The following MYT1L variants were observed in gnomAD, a reference collection of about 807,000 sequenced individuals.
The protein encoded by MYT1L is myelin transcription factor 1-like protein.
MYT1L carries 12 observed loss-of-function variants against 126.7 expected under a neutral mutation model. The observed-to-expected ratio is 0.09, with a 90% confidence interval of 0.06 to 0.15. The LOEUF is 0.15. Ranked by LOEUF, MYT1L falls within the 10% of genes least tolerant of loss-of-function variation. MYT1L has a pLI of 1.00. For synonymous variants in MYT1L, 541 were observed against 604.2 expected, an observed-to-expected ratio of 0.90 and a Z score of 1.53; for missense variants, 979 against 1,585.2, an observed-to-expected ratio of 0.62 and a Z score of 6.49.
intron 8 of MYT1L, among the ~76,000 whole-genome samples, chr2:1,957,688 T>C (rs1235509322): frequency 6.6e-6 from 1 of 152,192 alleles, no homozygotes; most frequent in Non-Finnish European, 1.5e-5. Context: ...ATCTATGAAT[T>C]ACAGAGGTGC....
chr2:2,102,923 TATA>T (rs978043196), intron 3 of MYT1L, among the ~76,000 whole-genome samples: 13 of 151,904 alleles, frequency 8.6e-5, no homozygotes, highest in African/African-American at 3.1e-4. Context: ...TATATTAATA[TATA>T]ATGTCATAAC....
chr2:1,903,013 G>T, intron 14 of MYT1L, 67 bp downstream of exon 14: 2 of 1,420,642 alleles, frequency 1.4e-6, no homozygotes, highest in South Asian at 1.2e-5. Flanking sequence ...GTAGGACATT[G>T]ATATACACAA....
In MYT1L at chr2:1,959,700, T is replaced by G. The variant is rs79917520; in HGVS notation, c.153-16366A>C. Among the ~76,000 whole-genome samples the G allele has an allele frequency of 7.9e-5, 12 of 152,230 alleles. No individual in the cohort carries two copies. In the East Asian group the frequency reaches 2.3e-3, roughly 30 times the overall value. On this transcript the variant is annotated intron_variant, in intron 8 of 24. Transcript: ENST00000647738. ...CCCTCTGCCCCTCACACACCTCCTT[T>G]ACAGCTCTCAGTGCACCATGACACA...
intron 8 of MYT1L, among the ~76,000 whole-genome samples, chr2:1,973,422 A>G (rs942061186): frequency 3.3e-5 from 5 of 152,204 alleles, no homozygotes; most frequent in Admixed American, 6.6e-5. Context: ...CATTCTAACC[A>G]CTAACTTGCA....
At position 1,910,809 on chromosome 2, in the gene MYT1L, T is replaced by C. The variant is rs1440889234; in HGVS notation, c.1710-462A>G. On this transcript the variant is annotated intron_variant, in intron 12 of 24. Coordinates refer to ENST00000647738, the MANE Select transcript of MYT1L (RefSeq NM_001303052.2). The surrounding 1 kb of genome is among the most constrained non-coding windows in gnomAD (Gnocchi z 4.8). ...TTGACTGTGGCGTCTGGGGGGCCTG[T>C]CTGACTTTAGCCCTTTGGTGTTCTC... 6.6e-6 allele frequency among the ~76,000 whole-genome samples: 1 copy of C among 152,172 alleles called. No individual in the cohort carries two copies. The highest frequency in any genetic ancestry group is 1.5e-5 in the Non-Finnish European group (1 of 68,042).
intron 3 of MYT1L, among the ~76,000 whole-genome samples, chr2:2,065,823 TACACACACACACACACACACACACGCAC>T (rs1193335426): frequency 3.5e-5 from 5 of 144,818 alleles, no homozygotes; most frequent in Admixed American, 7.0e-5. Flanking sequence ...CTCTCTTTTA[TACACACACACACACACACACACACGCAC>T]ACACACACAC....
chr2:2,006,336 ATTAACTTGT>A (rs1431434978), intron 4 of MYT1L, among the ~76,000 whole-genome samples: 4 of 151,972 alleles, frequency 2.6e-5, no homozygotes, highest in African/African-American at 9.7e-5. Flanking sequence ...AGTGAAACAA[ATTAACTTGT>A]TTATCATCTC....
chr2:2,175,887 CT>C (rs1350499770), intron 2 of MYT1L, among the ~76,000 whole-genome samples: 1 of 152,250 alleles, frequency 6.6e-6, no homozygotes. Context: ...CTCATCTCTA[CT>C]GACTAACAGC....
chr2:1,983,672 C>T (rs774912663), intron 5 of MYT1L, among the ~76,000 whole-genome samples: 1 of 152,216 alleles, frequency 6.6e-6, no homozygotes, highest in Non-Finnish European at 1.5e-5. Flanking sequence ...GGCCTGCCCA[C>T]CACTGGCGAC....
In MYT1L at chr2:2,129,584, C is replaced by A. The variant is rs569018396; in HGVS notation, c.-304+43288G>T. Among the ~76,000 whole-genome samples the A allele has an allele frequency of 3.3e-5, 5 of 152,280 alleles. No homozygotes were observed. In the South Asian group the frequency reaches 8.3e-4, roughly 25 times the overall value. On this transcript the variant is annotated intron_variant, in intron 3 of 24. Transcript: ENST00000647738. ...CCAGCTGGACAAGTGACCGCAGCCACAAACACCAATTGCATATTGAGTCAA... is the reference window on the plus strand; with the variant it reads ...CCAGCTGGACAAGTGACCGCAGCCAAAAACACCAATTGCATATTGAGTCAA...
intron 21 of MYT1L, chr2:1,828,507 A>G (rs2039677126): frequency 6.6e-6 from 1 of 152,198 alleles, no homozygotes; most frequent in African/African-American, 2.4e-5. Context: ...AACCGTATGA[A>G]AGTGTGTCGA....
At chr2:2,276,342 C>T (rs185710398) in intron 2 of MYT1L, among the ~76,000 whole-genome samples, 6 of 152,248 alleles carry the variant, frequency 3.9e-5, no homozygotes, top group South Asian at 2.1e-4. Flanking sequence ...CAGCTTGTTA[C>T]GGGATATTGA....
intron 9 of MYT1L, among the ~76,000 whole-genome samples, chr2:1,934,122 C>T (rs927247827): frequency 7.0e-6 from 1 of 142,146 alleles, no homozygotes; most frequent in Non-Finnish European, 1.6e-5. Context: ...CTACAGGCAC[C>T]CGCCACCACG....
At chr2:2,105,602 T>C (rs1360331232) in intron 3 of MYT1L, among the ~76,000 whole-genome samples, 1 of 152,226 alleles carries the variant, frequency 6.6e-6, no homozygotes, top group Non-Finnish European at 1.5e-5. Flanking sequence ...GGGGCTGGGT[T>C]ACTAGTGACT....
intron 1 of MYT1L, among the ~76,000 whole-genome samples, chr2:2,316,442 T>C (rs185075395): frequency 6.6e-6 from 1 of 152,338 alleles, no homozygotes; most frequent in Non-Finnish European, 1.5e-5. Context: ...ATACCCTAAA[T>C]ACTGCCTTTA....
chr2:2,273,316 A>C (rs1352660041), intron 2 of MYT1L, among the ~76,000 whole-genome samples: 1 of 152,218 alleles, frequency 6.6e-6, no homozygotes, highest in East Asian at 1.9e-4. Flanking sequence ...AAGGATTAAA[A>C]CACATCTAGA....
chr2:2,058,468 T>A (rs2069917160), intron 3 of MYT1L, among the ~76,000 whole-genome samples: 1 of 152,234 alleles, frequency 6.6e-6, no homozygotes, highest in Non-Finnish European at 1.5e-5. Context: ...TATGTGTGTG[T>A]ATATACCTGT....
rs2095661676 is a variant in MYT1L at position 2,295,567 on chromosome 2, GA to G, written c.-520-11065del. Among the ~76,000 whole-genome samples, 2 of 16,644 alleles carry G rather than the reference GA, an allele frequency of 1.2e-4. 1 individual carries two copies. Among genetic ancestry groups the G allele is most frequent in the African/African-American group, 3.6e-4 (2 of 5,582 alleles). 10.9% of individuals were successfully genotyped at this position (16,644 alleles called of 152,430 possible). A position where few individuals can be genotyped will look rare whatever the true frequency, so the allele number is the denominator to read the frequency against. On this transcript the variant is annotated intron_variant, in intron 1 of 24. Transcript: ENST00000647738. ...AGAGAGAGAGAGAGACAGACAGACA[GA>G]GAGAGAGAGAGAGAGACAGACAGAC... is the stretch of plus-strand genomic sequence containing the variant.
chr2:2,322,072 G>A (rs564588658), intron 1 of MYT1L, among the ~76,000 whole-genome samples: 34 of 152,058 alleles, frequency 2.2e-4, no homozygotes, highest in Non-Finnish European at 4.0e-4. Flanking sequence ...GGGAATTATA[G>A]TACTCCTAAG....
Sources: gnomAD v4.1 joint callset for allele counts (sites outside exome capture counted in the v4.1 genomes callset) on GRCh38, gnomAD v4.1.1 for gene constraint, Gnocchi (gnomAD v3.1) non-coding constraint, MANE v1.5 for transcripts, NCBI Gene and HGNC (gene_info 2026-07-23, HGNC 2026-07-21) for gene names.